Variants in DHRSX observed in about 807,000 individuals in gnomAD.
The protein encoded by DHRSX is dehydrogenase/reductase X-linked.
A neutral mutation model predicts 34.0 loss-of-function variants in DHRSX; 31 were observed. The ratio of observed to expected loss-of-function variants is 0.91; its 90% CI spans 0.69 to 1.23. The LOEUF (loss-of-function observed/expected upper bound fraction) is 1.23. DHRSX is among the 50% of genes most tolerant of loss of function. DHRSX has a pLI of 0.00. For missense variants in DHRSX, 414 were observed against 428.1 expected (o/e 0.97, Z 0.29); for synonymous variants, 201 against 183.8 (o/e 1.09, Z -0.76).
chrX:2,460,008 T>TGAGACAGAA (rs1274674700), intron 1 of DHRSX, among the ~76,000 whole-genome samples: 1 of 151,972 alleles, frequency 6.6e-6, no homozygotes, highest in Non-Finnish European at 1.5e-5. Context: ...CTCAGGAGGT[T>TGAGACAGAA]GAGACAGAAG....
At chrX:2,355,511 T>TAAAAAAAAAAAAAAAAAAAA (rs767512287) in intron 3 of DHRSX, among the ~76,000 whole-genome samples, 1 of 75,310 alleles carries the variant, frequency 1.3e-5, no homozygotes, top group African/African-American at 4.5e-5. Context: ...AGACCCCATC[T>TAAAAAAAAAAAAAAAAAAAA]AAAAAAAAAA....
At chrX:2,400,647 G>T (rs983920026) in intron 3 of DHRSX, among the ~76,000 whole-genome samples, 8 of 152,102 alleles carry the variant, frequency 5.3e-5, no homozygotes, top group African/African-American at 1.9e-4. Context: ...ATTTTAGCAG[G>T]GACAGGCGAT....
intron 6 of DHRSX, among the ~76,000 whole-genome samples, chrX:2,241,317 A>G (rs189480774): frequency 1.5e-4 from 23 of 152,288 alleles, no homozygotes; most frequent in Admixed American, 1.2e-3. Context: ...TTAAAAACCA[A>G]CACCCCAAAG....
chrX:2,485,448 T>C (rs1017914694), intron 1 of DHRSX, among the ~76,000 whole-genome samples: 1 of 145,260 alleles, frequency 6.9e-6, no homozygotes, highest in African/African-American at 2.8e-5. Flanking sequence ...CCTGTGTTTC[T>C]TGGGGGCCAT....
At chrX:2,238,166 C>T (rs1023202460) in intron 6 of DHRSX, among the ~76,000 whole-genome samples, 3 of 152,048 alleles carry the variant, frequency 2.0e-5, no homozygotes, top group Non-Finnish European at 4.4e-5. Flanking sequence ...CCCGGCTGGA[C>T]AACATAGCAA....
chrX:2,465,397 C>T (rs2044477373), intron 1 of DHRSX, among the ~76,000 whole-genome samples: 1 of 152,158 alleles, frequency 6.6e-6, no homozygotes, highest in Admixed American at 6.6e-5. Context: ...CCTCCTCAAT[C>T]ACGCCAAAGA....
chrX:2,474,468 A>G (rs73179251), intron 1 of DHRSX, among the ~76,000 whole-genome samples: 30,520 of 148,890 alleles, frequency 0.2, 3,876 homozygotes, highest in African/African-American at 0.39. Context: ...ATGCAGCCAA[A>G]AGACGGCACT....
intron 1 of DHRSX, among the ~76,000 whole-genome samples, chrX:2,461,958 G>T (rs2044408114): frequency 6.6e-6 from 1 of 152,160 alleles, no homozygotes; most frequent in South Asian, 2.1e-4. Flanking sequence ...AAAGTGCTGG[G>T]ATCACAGGCA....
chrX:2,265,388 G>A (rs756867425), intron 5 of DHRSX, among the ~76,000 whole-genome samples: 1 of 128,074 alleles, frequency 7.8e-6, no homozygotes, highest in East Asian at 2.4e-4. Flanking sequence ...ACTGTCCCCA[G>A]AGCACCAGTG....
At chrX:2,247,598 G>C (rs1602792835) in intron 5 of DHRSX, among the ~76,000 whole-genome samples, 1 of 147,976 alleles carries the variant, frequency 6.8e-6, no homozygotes, top group Non-Finnish European at 1.5e-5. Context: ...AGCTTGCAGT[G>C]AGCCGAGATT....
chrX:2,370,782 C>T (rs1409978294), intron 3 of DHRSX, among the ~76,000 whole-genome samples: 2 of 152,180 alleles, frequency 1.3e-5, no homozygotes, highest in African/African-American at 4.8e-5. Flanking sequence ...GGTTTCTCTC[C>T]TCCTATCAGG....
chrX:2,379,603 T>G (rs1435569174), intron 3 of DHRSX, among the ~76,000 whole-genome samples: 3 of 149,360 alleles, frequency 2.0e-5, no homozygotes, highest in East Asian at 3.9e-4. Context: ...AGGTTTTTTT[T>G]TTTTTTTTTT....
intron 3 of DHRSX, among the ~76,000 whole-genome samples, chrX:2,326,069 T>TA (rs2042382544): frequency 6.6e-6 from 1 of 151,992 alleles, no homozygotes; most frequent in Non-Finnish European, 1.5e-5. Flanking sequence ...CATCAGAAAA[T>TA]AGAGATCACA....
intron 3 of DHRSX, among the ~76,000 whole-genome samples, chrX:2,379,343 G>A (rs1168524108): frequency 6.6e-6 from 1 of 152,174 alleles, no homozygotes; most frequent in East Asian, 1.9e-4. Flanking sequence ...CTTGATAACT[G>A]TGCCAATGAC....
At chrX:2,324,769 CT>C (rs570670358) in intron 3 of DHRSX, among the ~76,000 whole-genome samples, 256 of 130,968 alleles carry the variant, frequency 2.0e-3, no homozygotes, top group East Asian at 5.8e-3. Flanking sequence ...TTTTTCTTTT[CT>C]TTTTTTTTTT....
chrX:2,340,383 A>T (rs1480458716), intron 3 of DHRSX, among the ~76,000 whole-genome samples: 1 of 152,018 alleles, frequency 6.6e-6, no homozygotes, highest in Non-Finnish European at 1.5e-5. Flanking sequence ...GGTCACTGCA[A>T]ATGCTGTTAA....
At chrX:2,348,683 C>CTTATTT (rs907927338) in intron 3 of DHRSX, among the ~76,000 whole-genome samples, 1 of 145,430 alleles carries the variant, frequency 6.9e-6, no homozygotes, top group Admixed American at 6.9e-5. Context: ...TTGTGGGTCT[C>CTTATTT]TTATTTTTAT....
At chrX:2,230,507 G>A (rs1394098150) in intron 6 of DHRSX, among the ~76,000 whole-genome samples, 2 of 152,176 alleles carry the variant, frequency 1.3e-5, no homozygotes. Flanking sequence ...TGATGATTGA[G>A]TTCACGTATC....
intron 3 of DHRSX, among the ~76,000 whole-genome samples, chrX:2,406,628 T>C (rs2043558914): frequency 6.6e-6 from 1 of 151,856 alleles, no homozygotes; most frequent in African/African-American, 2.4e-5. Context: ...TTTAGTAGAC[T>C]CGAGGTTTCA....
Sources: allele counts gnomAD v4.1 joint callset (sites outside exome capture counted in the v4.1 genomes callset), GRCh38; gene constraint gnomAD v4.1.1; transcripts MANE v1.5; gene names NCBI Gene and HGNC (gene_info 2026-07-23, HGNC 2026-07-21).